The following SRPRA variants were observed in gnomAD, a reference collection of about 807,000 sequenced individuals.
The protein encoded by SRPRA is SRP receptor subunit alpha.
Under a neutral mutation model 61.1 loss-of-function variants are expected in SRPRA, and 30 were observed. The ratio of observed to expected loss-of-function variants is 0.49; its 90% CI spans 0.37 to 0.67. The LOEUF (loss-of-function observed/expected upper bound fraction) is 0.67, where lower values mean the gene tolerates loss of function less well. Among genes scored for constraint, SRPRA ranks in the 30% least tolerant of loss-of-function variants. The probability of loss-of-function intolerance (pLI) is 0.00; values close to 1 mark genes in which losing one functional copy is unlikely to be tolerated. For synonymous variants in SRPRA, 324 were observed against 299.7 expected (o/e 1.08, Z -0.84); for missense variants, 759 against 828.4 (o/e 0.92, Z 1.03).
chr11:126,255,895 G>A, the SRPRA span, among the ~76,000 whole-genome samples: 1 of 152,170 alleles, frequency 6.6e-6, no homozygotes, highest in East Asian at 1.9e-4. The surrounding 1 kb of genome is among the most constrained non-coding windows in gnomAD (Gnocchi z 4.6). Context: ...AGAGGAGGTT[G>A]CAGTGAGCCA....
rs1205632955 is a variant in SRPRA, at chr11:126,265,079, T to C, written c.1405A>G (p.Thr469Ala). The change falls in exon 11 of 14, where the codon ACC (threonine) becomes GCC (alanine). Residue 469 changes from threonine (T) to alanine (A), a missense_variant. By Grantham distance (58) the Thr-to-Ala change is moderately conservative. Around this residue, in one of 2 missense-constraint regions of SRPRA, gnomAD observed 284 missense variants for 365.9 expected, o/e 0.78. Coordinates refer to ENST00000332118, the MANE Select transcript of SRPRA (RefSeq NM_003139.4). This position sits in a 1 kb window ranked among gnomAD's most constrained non-coding sequence, Gnocchi z 6.3. ...GGGTGTAGGGCACTCAAACGCCGGG[T>C]GTGTGTACGCAGCTGCTCCACGGCC... Reference protein sequence around the residue: ...AGAVEQLRTHTRRLSALHPPE... With the variant: ...AGAVEQLRTHARRLSALHPPE... 1.2e-6 allele frequency: 2 copies of C among 1,613,924 alleles called. No individual in the cohort carries two copies. Among genetic ancestry groups the C allele is most frequent in the African/African-American group, 1.3e-5 (1 of 74,856 alleles).
At position 126,264,674 on chromosome 11, in the gene SRPRA, G is replaced by C. The variant is rs1203739211; in HGVS notation, c.1526-135C>G. On this transcript the variant is annotated intron_variant, in intron 11 of 13. Transcript: ENST00000332118. The surrounding 1 kb of genome is among the most constrained non-coding windows in gnomAD (Gnocchi z 5.0). ...TGGATTTGGTTCCAAGGTAATGTGA[G>C]AAAAACTTGATTATATGCTTGGCCA... is the stretch of plus-strand genomic sequence containing the variant. The C allele has an allele frequency of 1.9e-6, 2 of 1,071,426 alleles. No homozygotes were observed. Among genetic ancestry groups the C allele is most frequent in the Non-Finnish European group, 2.6e-6 (2 of 762,246 alleles). The allele number at this position is 1,071,426 out of a possible 1,614,324, so 66.4% of individuals were successfully genotyped here. A position where few individuals can be genotyped will look rare whatever the true frequency, so the allele number is the denominator to read the frequency against.
At chr11:126,236,214 T>G in the SRPRA span, among the ~76,000 whole-genome samples, 1 of 152,222 alleles carries the variant, frequency 6.6e-6, no homozygotes, top group Non-Finnish European at 1.5e-5. Context: ...TCTTTTTTGG[T>G]GCACGCCTTT....
At chr11:126,251,673 A>AT in the SRPRA span, among the ~76,000 whole-genome samples, 7 of 145,952 alleles carry the variant, frequency 4.8e-5, no homozygotes, top group South Asian at 4.3e-4. Flanking sequence ...TTGGATACTT[A>AT]TTTTTTTTAT....
At chr11:126,252,419 A>G in the SRPRA span, among the ~76,000 whole-genome samples, 1 of 152,174 alleles carries the variant, frequency 6.6e-6, no homozygotes, top group Non-Finnish European at 1.5e-5. The surrounding 1 kb of genome is among the most constrained non-coding windows in gnomAD (Gnocchi z 4.7). Context: ...CTCAAATATG[A>G]CAGTTAGGTG....
the SRPRA span, chr11:126,241,214 C>T: frequency 1.5e-6 from 1 of 652,104 alleles, no homozygotes; most frequent in Non-Finnish European, 2.5e-6. Flanking sequence ...TGTTTATGGA[C>T]CCTACTCAGG....
chr11:126,260,362 T>C (rs537794609), downstream of SRPRA: 1 of 151,590 alleles, frequency 6.6e-6, no homozygotes, highest in African/African-American at 2.4e-5. Flanking sequence ...GTTTTCCCTG[T>C]GCTTTTTTTC....
chr11:126,259,647 G>A (rs1170059602), downstream of SRPRA, among the ~76,000 whole-genome samples: 3 of 151,034 alleles, frequency 2.0e-5, no homozygotes, highest in African/African-American at 4.9e-5. Flanking sequence ...GGATGGTCTC[G>A]GTCTCCTGAC....
the SRPRA span, among the ~76,000 whole-genome samples, chr11:126,239,294 GT>G: frequency 6.6e-6 from 1 of 151,968 alleles, no homozygotes; most frequent in Non-Finnish European, 1.5e-5. Context: ...AAGAATTATA[GT>G]TCAAATCTGT....
At chr11:126,250,578 A>G in the SRPRA span, 1 of 1,614,046 alleles carries the variant, frequency 6.2e-7, no homozygotes, top group African/African-American at 1.3e-5. This position sits in a 1 kb window ranked among gnomAD's most constrained non-coding sequence, Gnocchi z 5.1. Flanking sequence ...GGAGTCAAAG[A>G]TGGAAGATTC....
chr11:126,268,810 C>G lies in SRPRA; in HGVS notation c.-6G>C. The G allele has an allele frequency of 3.1e-6, 5 of 1,611,724 alleles. No individual in the cohort carries two copies. Among genetic ancestry groups the G allele is most frequent in the Non-Finnish European group, 4.2e-6 (5 of 1,178,688 alleles). ...ATGGTGAAGAAGTCGAGCATGGCGG[C>G]AGCGGCAGAGGAGCTGGGGCCGGCG... On this transcript the variant is annotated 5_prime_UTR_variant, in exon 1 of 14. Coordinates refer to ENST00000332118, the MANE Select transcript of SRPRA (RefSeq NM_003139.4).
the SRPRA span, among the ~76,000 whole-genome samples, chr11:126,252,904 G>A: frequency 1.3e-5 from 2 of 152,058 alleles, no homozygotes; most frequent in Non-Finnish European, 2.9e-5. This position sits in a 1 kb window ranked among gnomAD's most constrained non-coding sequence, Gnocchi z 4.7. Flanking sequence ...GAGTGGTGGT[G>A]CACGCCTGTA....
At chr11:126,241,263 AGAGAAAT>A in the SRPRA span, 1 of 443,052 alleles carries the variant, frequency 2.3e-6, no homozygotes, top group East Asian at 3.2e-5. Context: ...TGTCTATGAG[AGAGAAAT>A]GATGTTGAGG....
chr11:126,240,236 C>T, the SRPRA span, among the ~76,000 whole-genome samples: 5 of 151,368 alleles, frequency 3.3e-5, no homozygotes, highest in Non-Finnish European at 7.4e-5. Flanking sequence ...GTATGTAGGG[C>T]CCCTGTGTTT....
intron 1 of SRPRA, 66 bp downstream of exon 1, chr11:126,268,622 T>G (rs1950874918): frequency 2.2e-6 from 3 of 1,387,984 alleles, no homozygotes; most frequent in African/African-American, 1.4e-5. Flanking sequence ...CGGAATAGAG[T>G]CGAAGGGGAC....
At chr11:126,250,089 G>A in the SRPRA span, among the ~76,000 whole-genome samples, 12 of 131,642 alleles carry the variant, frequency 9.1e-5, 1 homozygote, top group East Asian at 2.7e-4. This position sits in a 1 kb window ranked among gnomAD's most constrained non-coding sequence, Gnocchi z 5.1. Flanking sequence ...TTTTATCCCC[G>A]GGATTTTTTT....
the SRPRA span, among the ~76,000 whole-genome samples, chr11:126,254,921 A>T: frequency 6.6e-6 from 1 of 152,204 alleles, no homozygotes; most frequent in South Asian, 2.1e-4. Flanking sequence ...ATTTCTCTTA[A>T]GGTGTCAAAC....
chr11:126,242,263 C>G, the SRPRA span, among the ~76,000 whole-genome samples: 4 of 151,888 alleles, frequency 2.6e-5, no homozygotes, highest in Admixed American at 6.6e-5. Flanking sequence ...TGGACTTCTC[C>G]AAAGTTAAAA....
At chr11:126,252,992 G>A in the SRPRA span, among the ~76,000 whole-genome samples, 7 of 152,254 alleles carry the variant, frequency 4.6e-5, no homozygotes, top group South Asian at 2.1e-4. The surrounding 1 kb of genome is among the most constrained non-coding windows in gnomAD (Gnocchi z 4.7). Flanking sequence ...CCAAGATTGC[G>A]CCACTGTGCT....
Sources: allele counts gnomAD v4.1 joint callset (sites outside exome capture counted in the v4.1 genomes callset), GRCh38; gene constraint gnomAD v4.1.1; regional missense constraint gnomAD v4.1.1; non-coding constraint Gnocchi (gnomAD v3.1); transcripts MANE v1.5; gene names NCBI Gene and HGNC (gene_info 2026-07-23, HGNC 2026-07-21).